UCKL1: variants seen among roughly 807,000 people sequenced by gnomAD.
The protein encoded by UCKL1 is uridine-cytidine kinase-like 1.
A neutral mutation model predicts 59.2 loss-of-function variants in UCKL1; 65 were observed. The observed-to-expected ratio is 1.10, with a 90% CI of 0.90 to 1.35. The LOEUF (loss-of-function observed/expected upper bound fraction) is 1.35. Among genes scored for constraint, UCKL1 ranks in the 40% most tolerant of loss-of-function variants. The probability of loss-of-function intolerance (pLI) is 0.00; values close to 1 mark genes in which losing one functional copy is unlikely to be tolerated. For synonymous variants in UCKL1, 410 were observed against 323.1 expected (o/e 1.27, Z -2.88); for missense variants, 703 against 784.3 (o/e 0.90, Z 1.24).
intron 1 of UCKL1, chr20:63,953,830 C>G (rs768427863): frequency 6.6e-6 from 1 of 152,622 alleles, no homozygotes; most frequent in Non-Finnish European, 1.5e-5. Context: ...CATGTGAAAC[C>G]GACACTGAGG....
At position 63,944,428 on chromosome 20, in the gene UCKL1, ATCAGG is replaced by A. The variant is rs772163370; in HGVS notation, c.870_874del (p.Leu291CysfsTer12). ...CAGCTGGCTGTGCACGTGCTGCACA[ATCAGG>A]TCGATGGCCACCGTGTTGCCGCTCC... On this transcript the variant is annotated frameshift_variant, in exon 7 of 15. Transcript: ENST00000354216. LOFTEE classifies it high-confidence loss of function. 1 of 1,576,216 alleles carries A rather than the reference ATCAGG, an allele frequency of 6.3e-7. No individual in the cohort carries two copies.
rs200504039 is a variant in UCKL1 at position 63,940,066 on chromosome 20, G to C, written c.1568-11C>G. The C allele has an allele frequency of 1.5e-4, 49 of 316,176 alleles. No individual in the cohort carries two copies. Among genetic ancestry groups the C allele is most frequent in the South Asian group, 8.1e-4 (15 of 18,506 alleles). The allele number at this position is 316,176 out of a possible 1,614,324, so 19.6% of individuals were successfully genotyped here. The stretch of plus-strand genomic sequence containing the variant: ...GGTCGCCAAAGTTCCCTGGAAAAAG[G>C]GGGGGGGGGGTCCAGTGTGGTGGGG... On this transcript the variant is annotated splice_polypyrimidine_tract_variant and intron_variant, in intron 14 of 14. Coordinates refer to ENST00000354216, the MANE Select transcript of UCKL1 (RefSeq NM_017859.4).
In UCKL1 at chr20:63,947,080, CA is replaced by C. The variant is rs769813935; in HGVS notation, c.114-438del. 1.2e-3 allele frequency among the ~76,000 whole-genome samples: 173 copies of C among 140,212 alleles called. 1 individual carries two copies. Among genetic ancestry groups the C allele is most frequent in the East Asian group, 5.1e-3 (25 of 4,924 alleles). The allele number at this position is 140,212 out of a possible 152,430, so 92.0% of individuals were successfully genotyped here. On this transcript the variant is annotated intron_variant, in intron 1 of 14. Transcript: ENST00000354216. ...TGGGTGACAGAGTGAGACTCCACCT[CA>C]AAAAAAAAAAACCCTGCCTCCTGCC...
rs188393456 is a variant in UCKL1 at position 63,946,399 on chromosome 20, G to A, written c.304+54C>T. 32 of 1,514,976 alleles carry A rather than the reference G, an allele frequency of 2.1e-5. No homozygotes were observed. The African/African-American group carries it at 4.1e-4, about 20-fold the overall frequency. 93.8% of individuals were successfully genotyped at this position (1,514,976 alleles called of 1,614,324 possible). On this transcript the variant is annotated intron_variant, in intron 2 of 14. Coordinates refer to ENST00000354216, the MANE Select transcript of UCKL1 (RefSeq NM_017859.4). ...CTTCTCCTGCTCCACAGGCACTGGA[G>A]GGGAGCCGGAGGCAGGCGTCCGGCA...
At position 63,956,332 on chromosome 20, in the gene UCKL1, G is replaced by T. The variant is rs748700718; in HGVS notation, c.41C>A (p.Pro14His). The T allele has an allele frequency of 6.4e-7, 1 of 1,553,686 alleles. No homozygotes were observed. The highest frequency in any genetic ancestry group is 8.7e-7 in the Non-Finnish European group (1 of 1,153,370). ...GTCTCGGGCCGTAGGTGGCGACGTG[G>T]GCGAAGGATCAGCGTCCGCGCGGGC... ...PPARADADPS[P>H]TSPPTARDTP... Residue 14 changes from proline to histidine, a missense_variant, in exon 1 of 15, where the codon CCC becomes CAC. Pro to His is a moderately conservative substitution (Grantham distance 77). Coordinates refer to ENST00000354216, the MANE Select transcript of UCKL1 (RefSeq NM_017859.4).
In UCKL1 at chr20:63,943,645, A is replaced by C. The variant is rs1402045137; in HGVS notation, c.923+8T>G. On this transcript the variant is annotated splice_region_variant and intron_variant, in intron 8 of 14. Transcript: ENST00000354216. The stretch of plus-strand genomic sequence containing the variant: ...CTCCATCTGTGCAGACAGCTGTGCA[A>C]GTCTTACCTGACGCTGAGTTCACGC... 2 of 1,612,694 alleles carry C rather than the reference A, an allele frequency of 1.2e-6. No homozygotes were observed. The highest frequency in any genetic ancestry group is 1.3e-5 in the African/African-American group (1 of 75,052).
At position 63,941,202 on chromosome 20, in the gene UCKL1, C is replaced by G; in HGVS notation, c.930G>C (p.Ala310=). The stretch of plus-strand genomic sequence containing the variant: ...GGTGGCACTGGTGTGCCGAGGCCAG[C>G]GCAGCCCTGGGGACAAACCGATGGG... ...LEERELSVRA[A]LASAHQCHPL... The change falls in exon 9 of 15, where the codon GCG becomes GCC. Residue 310 remains alanine (A), a synonymous_variant. Coordinates refer to ENST00000354216, the MANE Select transcript of UCKL1 (RefSeq NM_017859.4). 6.5e-7 allele frequency: 1 copy of G among 1,533,796 alleles called. No individual in the cohort carries two copies. The highest frequency in any genetic ancestry group is 8.7e-7 in the Non-Finnish European group (1 of 1,146,658).
rs890639656 is a variant in UCKL1, at chr20:63,956,151, G to A, written c.113+109C>T. 3.3e-5 allele frequency: 35 copies of A among 1,070,180 alleles called. 1 individual carries two copies. The South Asian group carries it at 6.5e-4, about 20-fold the overall frequency. The allele number at this position is 1,070,180 out of a possible 1,614,324, so 66.3% of individuals were successfully genotyped here. ...AACGGGGCGCCGCCGCCTGGCCTCCGGGAGTGGGGGACTTGGGCTCGCGGC... is the reference window on the plus strand; with the variant it reads ...AACGGGGCGCCGCCGCCTGGCCTCCAGGAGTGGGGGACTTGGGCTCGCGGC... On this transcript the variant is annotated intron_variant, in intron 1 of 14. Coordinates refer to ENST00000354216, the MANE Select transcript of UCKL1 (RefSeq NM_017859.4).
rs764342085 is a variant in UCKL1 at position 63,946,520 on chromosome 20, G to A, written c.237C>T (p.Ile79=). The change falls in exon 2 of 15, where the codon ATC becomes ATT. Residue 79 remains isoleucine, a synonymous_variant. Coordinates refer to ENST00000354216, the MANE Select transcript of UCKL1 (RefSeq NM_017859.4). ...PPLLRTSKRT[I]YTAGRPPWYN... is the part of the protein sequence containing the mutation. ...ACCAGGGCGGCCGCCCGGCGGTGTA[G>A]ATGGTACGCTTGCTTGTACGCAGCA... is the stretch of plus-strand genomic sequence containing the variant. The A allele has an allele frequency of 5.0e-6, 8 of 1,604,310 alleles. No homozygotes were observed. The highest frequency in any genetic ancestry group is 1.7e-4 in the Middle Eastern group (1 of 6,012).
In UCKL1 at chr20:63,940,934, G is replaced by A; in HGVS notation, c.1116+16C>T. ...CCAAGACCCACCCTCCACCTCGCGG[G>A]CTACGGGCTACGAACCTGAAAGGGC... On this transcript the variant is annotated intron_variant, in intron 10 of 14. Coordinates refer to ENST00000354216, the MANE Select transcript of UCKL1 (RefSeq NM_017859.4). 6.6e-7 allele frequency: 1 copy of A among 1,520,490 alleles called. No homozygotes were observed. The highest frequency in any genetic ancestry group is 8.8e-7 in the Non-Finnish European group (1 of 1,133,282). The allele number at this position is 1,520,490 out of a possible 1,614,324, so 94.2% of individuals were successfully genotyped here.
chr20:63,944,177 C>G (rs1437978666), intron 7 of UCKL1, among the ~76,000 whole-genome samples: 1 of 152,236 alleles, frequency 6.6e-6, no homozygotes, highest in Non-Finnish European at 1.5e-5. Context: ...ACCCCCACCC[C>G]AGCTTCCTCA....
chr20:63,943,578 C>G (rs2055279494), intron 8 of UCKL1, 75 bp downstream of exon 8: 4 of 1,605,902 alleles, frequency 2.5e-6, no homozygotes, highest in Non-Finnish European at 3.4e-6. Context: ...CTGGCTGGAT[C>G]ACAGCCCAGA....
chr20:63,943,589 C>T (rs1478896235), intron 8 of UCKL1, 64 bp downstream of exon 8: 1 of 1,610,796 alleles, frequency 6.2e-7, no homozygotes, highest in Non-Finnish European at 8.5e-7. Flanking sequence ...ACAGCCCAGA[C>T]CCCAGAGCTC....
Position 63,956,400 on chromosome 20 carries a change from G to GGCCGGGCGGCGCGCATGGGCC in UCKL1, c.-29_-28insGGCCCATGCGCGCCGCCCGGC, listed in dbSNP as rs1421761468. 7.2e-7 allele frequency: 1 copy of GGCCGGGCGGCGCGCATGGGCC among 1,384,958 alleles called. No homozygotes were observed. The highest frequency in any genetic ancestry group is 2.9e-5 in the East Asian group (1 of 34,330). 85.8% of individuals were successfully genotyped at this position (1,384,958 alleles called of 1,614,324 possible). A position where few individuals can be genotyped will look rare whatever the true frequency, so the allele number is the denominator to read the frequency against. On this transcript the variant is annotated 5_prime_UTR_variant, in exon 1 of 15. The change creates a new upstream start codon in the 5' untranslated region. Coordinates refer to ENST00000354216, the MANE Select transcript of UCKL1 (RefSeq NM_017859.4). ...CGCTCGGAGGCCTCTTTGCGGGCCT[G>GGCCGGGCGGCGCGCATGGGCC]GCCGGGCGGCGCGCATGGGCCGCCG...
At chr20:63,951,790 G>GGGACAC (rs2057660053) in intron 1 of UCKL1, among the ~76,000 whole-genome samples, 1 of 151,956 alleles carries the variant, frequency 6.6e-6, no homozygotes, top group Non-Finnish European at 1.5e-5. Flanking sequence ...CAGGGCACAG[G>GGGACAC]GGACACAGCC....
At chr20:63,954,063 G>A (rs906527884) in intron 1 of UCKL1, 1 of 153,126 alleles carries the variant, frequency 6.5e-6, no homozygotes, top group African/African-American at 2.4e-5. Flanking sequence ...CTAGCCCACA[G>A]GAGCCAATGC....
intron 1 of UCKL1, chr20:63,955,989 CG>C: frequency 3.1e-6 from 1 of 326,304 alleles, no homozygotes; most frequent in South Asian, 5.3e-5. Context: ...CCCCACCCAC[CG>C]GGGGCAGAGA....
At chr20:63,949,805 C>G (rs758128539) in intron 1 of UCKL1, among the ~76,000 whole-genome samples, 3 of 152,256 alleles carry the variant, frequency 2.0e-5, no homozygotes, top group Non-Finnish European at 4.4e-5. Context: ...GCTCCCAGCA[C>G]CGCCCTTGCG....
Position 63,944,252 on chromosome 20 carries a change from C to G in UCKL1, c.906+145G>C, listed in dbSNP as rs531456247. The G allele has an allele frequency of 2.4e-5, 19 of 785,248 alleles. No homozygotes were observed. In the East Asian group the frequency reaches 3.2e-4, roughly 13 times the overall value. The allele number at this position is 785,248 out of a possible 1,614,324, so 48.6% of individuals were successfully genotyped here. On this transcript the variant is annotated intron_variant, in intron 7 of 14. Coordinates refer to ENST00000354216, the MANE Select transcript of UCKL1 (RefSeq NM_017859.4). ...GGGCTGGACAATCTGACTGGCCAAG[C>G]AGGCTCAGGACACTCAGGGCTGGCA...
Sources: allele counts gnomAD v4.1 joint callset (sites outside exome capture counted in the v4.1 genomes callset), GRCh38; gene constraint gnomAD v4.1.1; transcripts MANE v1.5; gene names NCBI Gene and HGNC (gene_info 2026-07-23, HGNC 2026-07-21).